Variants in ZBTB7C observed in about 807,000 individuals in gnomAD.
ZBTB7C encodes zinc finger and BTB domain containing 7C, also known as zinc finger and BTB domain-containing protein 7C.
ZBTB7C carries 8 observed loss-of-function variants against 25.7 expected under a neutral mutation model. The ratio of observed to expected loss-of-function variants is 0.31; its 90% CI spans 0.18 to 0.56. The LOEUF (loss-of-function observed/expected upper bound fraction) is 0.56, where lower values mean the gene tolerates loss of function less well. ZBTB7C is among the 20% of genes least tolerant of loss of function. ZBTB7C has a pLI of 0.91. For missense variants in ZBTB7C, 824 were observed against 855.2 expected (o/e 0.96, Z 0.46); for synonymous variants, 394 against 369.0 (o/e 1.07, Z -0.78).
chr18:48,341,746 G>GGAAAAGAACACAAAA (rs1425412817), intron 1 of ZBTB7C, among the ~76,000 whole-genome samples: 1 of 152,198 alleles, frequency 6.6e-6, no homozygotes, highest in Non-Finnish European at 1.5e-5. Context: ...GCACTGCCAT[G>GGAAAAGAACACAAAA]GAAAAGAACA....
chr18:48,328,416 A>G (rs539582784), intron 2 of ZBTB7C, among the ~76,000 whole-genome samples: 23 of 152,298 alleles, frequency 1.5e-4, no homozygotes, highest in African/African-American at 5.3e-4. Context: ...ACTCTCTCAT[A>G]GAAGTTAAAT....
chr18:48,055,364 T>G (rs2036869639), intron 3 of ZBTB7C, among the ~76,000 whole-genome samples: 1 of 142,408 alleles, frequency 7.0e-6, no homozygotes, highest in Non-Finnish European at 1.5e-5. Context: ...GAGCTGAGAT[T>G]GCGCCACTGC....
At chr18:48,308,742 G>A (rs2045740374) in intron 2 of ZBTB7C, among the ~76,000 whole-genome samples, 1 of 152,150 alleles carries the variant, frequency 6.6e-6, no homozygotes. Context: ...TTCGTTCTAG[G>A]CCAGTGGTTC....
At chr18:48,261,610 A>G (rs1011662137) in intron 2 of ZBTB7C, among the ~76,000 whole-genome samples, 13 of 151,562 alleles carry the variant, frequency 8.6e-5, no homozygotes, top group African/African-American at 3.1e-4. Context: ...ATGCCCACCC[A>G]ACAGCTCTGC....
chr18:48,092,890 G>T (rs1186685215), intron 3 of ZBTB7C, among the ~76,000 whole-genome samples: 1 of 152,198 alleles, frequency 6.6e-6, no homozygotes, highest in East Asian at 1.9e-4. Flanking sequence ...AAGGCTGATA[G>T]ATCAAACTTT....
chr18:48,245,092 G>GTGTATATATATATA (rs1555723392), intron 2 of ZBTB7C, among the ~76,000 whole-genome samples: 30 of 126,312 alleles, frequency 2.4e-4, no homozygotes, highest in African/African-American at 6.4e-4. Flanking sequence ...GTGTGTGTGT[G>GTGTATATATATATA]TATATATATA....
chr18:48,149,103 G>A (rs1016240289), intron 3 of ZBTB7C: 1 of 152,048 alleles, frequency 6.6e-6, no homozygotes, highest in Non-Finnish European at 1.5e-5. Context: ...GTAGTAACAG[G>A]GATGGGGAAG....
intron 1 of ZBTB7C, among the ~76,000 whole-genome samples, chr18:48,357,788 C>T (rs1033467777): frequency 6.6e-6 from 1 of 152,228 alleles, no homozygotes; most frequent in Non-Finnish European, 1.5e-5. Flanking sequence ...GACATGTCCA[C>T]TAATTCTTCT....
chr18:48,060,255 G>A (rs1034931363), intron 3 of ZBTB7C, among the ~76,000 whole-genome samples: 1 of 152,140 alleles, frequency 6.6e-6, no homozygotes, highest in Admixed American at 6.5e-5. Flanking sequence ...GAAGGAGGAG[G>A]GAAGGAATAA....
chr18:48,038,224 C>G (rs1485480233), intron 4 of ZBTB7C, among the ~76,000 whole-genome samples: 1 of 152,114 alleles, frequency 6.6e-6, no homozygotes, highest in Non-Finnish European at 1.5e-5. Flanking sequence ...GCTGGCCTAG[C>G]TCACTGCTAA....
intron 2 of ZBTB7C, among the ~76,000 whole-genome samples, chr18:48,229,187 T>C (rs1002476703): frequency 4.6e-5 from 7 of 152,134 alleles, no homozygotes; most frequent in African/African-American, 1.4e-4. Flanking sequence ...CTGCCTGAGC[T>C]GTGTGCCACC....
intron 1 of ZBTB7C, among the ~76,000 whole-genome samples, chr18:48,358,631 T>A (rs901770512): frequency 1.3e-5 from 2 of 152,196 alleles, no homozygotes; most frequent in Admixed American, 6.5e-5. Context: ...ATGGAATTGA[T>A]TTCTGTGCCA....
chr18:48,331,575 T>C (rs1353402595), intron 2 of ZBTB7C, among the ~76,000 whole-genome samples: 2 of 152,212 alleles, frequency 1.3e-5, no homozygotes, highest in East Asian at 1.9e-4. Context: ...CCCATCCCCG[T>C]CCAAGAGGTA....
intron 3 of ZBTB7C, among the ~76,000 whole-genome samples, chr18:48,102,079 A>G (rs760420326): frequency 6.6e-6 from 1 of 152,244 alleles, no homozygotes; most frequent in Non-Finnish European, 1.5e-5. Context: ...CACACTGACA[A>G]CTTCTGACAT....
At chr18:48,180,527 G>A (rs923084525) in intron 3 of ZBTB7C, 1 of 362,558 alleles carries the variant, frequency 2.8e-6, no homozygotes, top group East Asian at 7.6e-5. Context: ...TGGGAGGGAT[G>A]GTTTCCTTCT....
At chr18:48,186,167 C>T (rs551534689) in intron 2 of ZBTB7C, among the ~76,000 whole-genome samples, 172 bp from the exon 3 acceptor site, 1 of 152,226 alleles carries the variant, frequency 6.6e-6, no homozygotes, top group Non-Finnish European at 1.5e-5. Flanking sequence ...CCTCGCTCCT[C>T]GCAGGATTCC....
chr18:48,408,528 C>CT (rs1185662498), intron 1 of ZBTB7C: 6 of 152,272 alleles, frequency 3.9e-5, no homozygotes, highest in South Asian at 2.1e-4. Flanking sequence ...CAGCAAGGAT[C>CT]TTTGAGTCCT....
chr18:48,084,502 C>T (rs2038112053), intron 3 of ZBTB7C, among the ~76,000 whole-genome samples: 1 of 152,212 alleles, frequency 6.6e-6, no homozygotes, highest in South Asian at 2.1e-4. Context: ...CCTGACTCCA[C>T]TGGGCATGTC....
chr18:48,214,248 T>C (rs2042771457), intron 2 of ZBTB7C, among the ~76,000 whole-genome samples: 1 of 152,218 alleles, frequency 6.6e-6, no homozygotes. Flanking sequence ...CAGAACTTTT[T>C]TTCATTTTCC....
Sources: gnomAD v4.1 joint callset for allele counts (sites outside exome capture counted in the v4.1 genomes callset) on GRCh38, gnomAD v4.1.1 for gene constraint, MANE v1.5 for transcripts, NCBI Gene and HGNC (gene_info 2026-07-23, HGNC 2026-07-21) for gene names.